Variants in CWC27 observed in about 807,000 individuals in gnomAD.
The protein encoded by CWC27 is CWC27 spliceosome associated cyclophilin.
A neutral mutation model predicts 63.6 loss-of-function variants in CWC27; 47 were observed. The observed-to-expected ratio is 0.74, with a 90% CI of 0.58 to 0.94. The LOEUF (loss-of-function observed/expected upper bound fraction) is 0.94, where lower values mean the gene tolerates loss of function less well. Ranked by LOEUF, CWC27 falls within the 40% of genes least tolerant of loss-of-function variation. The pLI is 0.00. For synonymous variants in CWC27, 175 were observed against 179.8 expected, an observed-to-expected ratio of 0.97 and a Z score of 0.22; for missense variants, 495 against 554.3, an observed-to-expected ratio of 0.89 and a Z score of 1.07.
intron 11 of CWC27, among the ~76,000 whole-genome samples, chr5:64,940,432 G>A (rs911710431): frequency 1.7e-4 from 26 of 152,210 alleles, no homozygotes; most frequent in African/African-American, 3.4e-4. Flanking sequence ...CTCACCCTCC[G>A]TGGGCTGCAC....
chr5:65,001,882 C>T (rs1381715584), intron 13 of CWC27, among the ~76,000 whole-genome samples: 2 of 66,926 alleles, frequency 3.0e-5, no homozygotes, highest in Admixed American at 2.2e-4. Flanking sequence ...TTTGGAATAG[C>T]TTGACAAAAA....
At chr5:64,780,813 ATCAC>A (rs1743658011) in intron 2 of CWC27, among the ~76,000 whole-genome samples, 1 of 151,912 alleles carries the variant, frequency 6.6e-6, no homozygotes, top group Non-Finnish European at 1.5e-5. Flanking sequence ...TTCCAGTTTC[ATCAC>A]ATCCTTACCA....
intron 10 of CWC27, among the ~76,000 whole-genome samples, chr5:64,837,181 G>A (rs1745679189): frequency 1.3e-5 from 2 of 152,054 alleles, no homozygotes; most frequent in Admixed American, 1.3e-4. Flanking sequence ...TTTTTGGAAT[G>A]AGTTCAGCTA....
At chr5:64,782,511 A>G (rs1179159152) in intron 3 of CWC27, among the ~76,000 whole-genome samples, 1 of 148,146 alleles carries the variant, frequency 6.8e-6, no homozygotes, top group East Asian at 2.0e-4. Context: ...TTAATCAAGA[A>G]CAGGTCAGTG....
intron 10 of CWC27, among the ~76,000 whole-genome samples, chr5:64,863,760 G>A (rs58039549): frequency 0.36 from 55,223 of 151,872 alleles, 10,626 homozygotes; most frequent in East Asian, 0.51. Flanking sequence ...GAGTGCTGGG[G>A]TTACAGGCAT....
At chr5:64,769,219 C>T (rs1261469147) in intron 1 of CWC27, 31 bp downstream of exon 1, 15 of 1,608,032 alleles carry the variant, frequency 9.3e-6, no homozygotes, top group Non-Finnish European at 1.1e-5. Flanking sequence ...ACTTGGGGTC[C>T]TGGGATCCCC....
Position 64,774,805 on chromosome 5 carries a change from C to A in CWC27, c.139+18C>A, listed in dbSNP as rs1580576759. The A allele has an allele frequency of 1.3e-5, 13 of 1,019,916 alleles. No individual in the cohort carries two copies. Among genetic ancestry groups the A allele is most frequent in the African/African-American group, 8.5e-5 (5 of 59,026 alleles). 63.2% of individuals were successfully genotyped at this position (1,019,916 alleles called of 1,614,324 possible). ...TTTGGAAGGTATGTTGACTTTTATT[C>A]TACTGGAGAAATTCTTGTTAATTTA... On this transcript the variant is annotated intron_variant, in intron 2 of 13. Transcript: ENST00000381070.
intron 9 of CWC27, 141 bp from the exon 10 acceptor site, chr5:64,804,088 A>G (rs1036028678): frequency 1.6e-5 from 12 of 749,042 alleles, no homozygotes; most frequent in Non-Finnish European, 2.2e-5. Context: ...TCAAGGGCTT[A>G]TAATTCAAAA....
intron 13 of CWC27, among the ~76,000 whole-genome samples, chr5:64,986,309 C>T (rs1174963431): frequency 1.3e-5 from 2 of 152,188 alleles, no homozygotes; most frequent in Non-Finnish European, 2.9e-5. Context: ...TTCCCACCAG[C>T]AACAAATAAG....
chr5:64,988,204 T>C (rs1749471227), intron 13 of CWC27, among the ~76,000 whole-genome samples: 1 of 152,234 alleles, frequency 6.6e-6, no homozygotes, highest in African/African-American at 2.4e-5. Flanking sequence ...TCTTCTCATT[T>C]ATTTCAACAG....
At chr5:64,964,692 CAT>C (rs1274286930) in intron 11 of CWC27, among the ~76,000 whole-genome samples, 1 of 152,138 alleles carries the variant, frequency 6.6e-6, no homozygotes, top group East Asian at 1.9e-4. Flanking sequence ...TAAAATACTA[CAT>C]GTTTCAGTGG....
chr5:64,909,842 G>T, intron 11 of CWC27, among the ~76,000 whole-genome samples: 1 of 152,098 alleles, frequency 6.6e-6, no homozygotes, highest in East Asian at 1.9e-4. Context: ...CTTTTTTCAA[G>T]GTTTTTAGCT....
Position 64,825,426 on chromosome 5 carries a change from T to C in CWC27, c.938+21040T>C, listed in dbSNP as rs76425614. Among the ~76,000 whole-genome samples, 222 of 152,314 alleles carry C rather than the reference T, an allele frequency of 1.5e-3. 1 individual carries two copies. Among genetic ancestry groups the C allele is most frequent in the African/African-American group, 4.9e-3 (204 of 41,570 alleles). The stretch of plus-strand genomic sequence containing the variant: ...AGGTTGGAACTAACAATTTACCAAA[T>C]TGGCAAGTTTCCTATGTTATTAAAA... On this transcript the variant is annotated intron_variant, in intron 10 of 13. Coordinates refer to ENST00000381070, the MANE Select transcript of CWC27 (RefSeq NM_005869.4).
chr5:65,011,976 A>C (rs1749969820), intron 13 of CWC27, among the ~76,000 whole-genome samples: 1 of 152,176 alleles, frequency 6.6e-6, no homozygotes, highest in Non-Finnish European at 1.5e-5. Flanking sequence ...TCTTTTTTGT[A>C]AGTAAGCATT....
chr5:64,865,326 A>C (rs1746507490), intron 10 of CWC27, among the ~76,000 whole-genome samples: 1 of 152,108 alleles, frequency 6.6e-6, no homozygotes, highest in Admixed American at 6.6e-5. Flanking sequence ...CCCACTTCTC[A>C]GTCTTTTTCT....
intron 10 of CWC27, among the ~76,000 whole-genome samples, chr5:64,863,586 C>A (rs1381969476): frequency 6.6e-6 from 1 of 152,008 alleles, no homozygotes; most frequent in Non-Finnish European, 1.5e-5. Context: ...TCTTGAACTC[C>A]TGGGCTCAAG....
rs1745493999 is a variant in CWC27, at chr5:64,830,637, G to A, written c.938+26251G>A. Among the ~76,000 whole-genome samples the A allele has an allele frequency of 2.0e-5, 3 of 152,024 alleles. No homozygotes were observed. The South Asian group carries it at 6.2e-4, about 32-fold the overall frequency. ...AAGAAACTACCATCAGAGTGAACAGGCCACCTACAGAATGGGAGAAAATTT... is the reference window on the plus strand; with the variant it reads ...AAGAAACTACCATCAGAGTGAACAGACCACCTACAGAATGGGAGAAAATTT... On this transcript the variant is annotated intron_variant, in intron 10 of 13. Coordinates refer to ENST00000381070, the MANE Select transcript of CWC27 (RefSeq NM_005869.4).
intron 4 of CWC27, among the ~76,000 whole-genome samples, chr5:64,785,262 T>C (rs1452016248): frequency 2.0e-5 from 3 of 152,176 alleles, no homozygotes; most frequent in Non-Finnish European, 4.4e-5. Context: ...ATTAAATATA[T>C]ATTGGAAATT....
At chr5:64,866,433 G>A (rs913846097) in intron 10 of CWC27, among the ~76,000 whole-genome samples, 1 of 152,056 alleles carries the variant, frequency 6.6e-6, no homozygotes, top group Admixed American at 6.6e-5. Flanking sequence ...TTTTACCTAA[G>A]GCTTAAGATG....
Sources: gnomAD v4.1 joint callset for allele counts (sites outside exome capture counted in the v4.1 genomes callset) on GRCh38, gnomAD v4.1.1 for gene constraint, MANE v1.5 for transcripts, NCBI Gene and HGNC (gene_info 2026-07-23, HGNC 2026-07-21) for gene names.